Variants in NLRP5 observed in about 807,000 individuals in gnomAD.
NLRP5 encodes the protein NACHT, LRR and PYD domains-containing protein 5.
Under a neutral mutation model 113.1 loss-of-function variants are expected in NLRP5, and 93 were observed. The ratio of observed to expected loss-of-function variants is 0.82; its 90% CI spans 0.70 to 0.98. The LOEUF (loss-of-function observed/expected upper bound fraction) is 0.98. Ranked by LOEUF, NLRP5 falls within the 50% of genes least tolerant of loss-of-function variation. NLRP5 has a pLI of 0.00. For missense variants in NLRP5, 1,808 were observed against 1,514.3 expected (o/e 1.19, Z -3.22); for synonymous variants, 751 against 600.7 (o/e 1.25, Z -3.66).
At position 56,019,821 on chromosome 19, in the gene NLRP5, A is replaced by G. The variant is rs189640866; in HGVS notation, c.622+423A>G. 5.3e-5 allele frequency among the ~76,000 whole-genome samples: 8 copies of G among 150,470 alleles called. No homozygotes were observed. In the East Asian group the frequency reaches 1.6e-3, roughly 29 times the overall value. On this transcript the variant is annotated intron_variant, in intron 5 of 14. Coordinates refer to ENST00000390649, the MANE Select transcript of NLRP5 (RefSeq NM_153447.4). ...TGCTGGAATTACAGTGGTAAGAAAA[A>G]CATGTCTTGCCTTCATGGCATTTTT...
intron 3 of NLRP5, among the ~76,000 whole-genome samples, chr19:56,011,627 ATTT>A (rs111647646): frequency 1.3e-5 from 2 of 149,292 alleles, no homozygotes; most frequent in Non-Finnish European, 3.0e-5. Context: ...AGAAAGCCTG[ATTT>A]TTTTTTTCTT....
intron 7 of NLRP5, among the ~76,000 whole-genome samples, chr19:56,031,861 C>A (rs1251447439): frequency 1.3e-5 from 2 of 152,138 alleles, no homozygotes; most frequent in Admixed American, 6.6e-5. Context: ...ATGAAAATGC[C>A]ACAGTGAGCG....
At chr19:56,043,407 A>G (rs1241134138) in intron 11 of NLRP5, among the ~76,000 whole-genome samples, 1 of 151,348 alleles carries the variant, frequency 6.6e-6, no homozygotes, top group African/African-American at 2.4e-5. Context: ...TATCTTGAGA[A>G]TTGTCTATTC....
rs763661078 is a variant in NLRP5 at position 56,032,608 on chromosome 19, T to C, written c.2277-3T>C. ...GCCCATGTTTCTATCCCCCCTGACA[T>C]AGGATGCGGGATAAGACCCTCATTG... On this transcript the variant is annotated splice_region_variant and splice_polypyrimidine_tract_variant and intron_variant, in intron 7 of 14. Coordinates refer to ENST00000390649, the MANE Select transcript of NLRP5 (RefSeq NM_153447.4). The C allele has an allele frequency of 6.2e-6, 10 of 1,610,310 alleles. No individual in the cohort carries two copies. Among genetic ancestry groups the C allele is most frequent in the South Asian group, 2.2e-5 (2 of 90,416 alleles).
At chr19:56,001,381 G>A (rs1981645069) in intron 1 of NLRP5, among the ~76,000 whole-genome samples, 1 of 149,792 alleles carries the variant, frequency 6.7e-6, no homozygotes, top group Non-Finnish European at 1.5e-5. Flanking sequence ...TAGCTACCAT[G>A]ACATTTCTAG....
chr19:56,006,540 T>C (rs1017327074), intron 2 of NLRP5, among the ~76,000 whole-genome samples: 8 of 151,894 alleles, frequency 5.3e-5, no homozygotes, highest in African/African-American at 1.9e-4. Flanking sequence ...GAGACCAGCC[T>C]GGCCAACATG....
chr19:56,056,877 CG>C (rs1352121963), intron 13 of NLRP5, among the ~76,000 whole-genome samples: 1 of 151,954 alleles, frequency 6.6e-6, no homozygotes, highest in Admixed American at 6.6e-5. Context: ...CGGTGGTGCA[CG>C]CCTGTAATCC....
chr19:56,001,324 T>TAAAAA (rs751650915), intron 1 of NLRP5, among the ~76,000 whole-genome samples: 5 of 120,652 alleles, frequency 4.1e-5, no homozygotes, highest in East Asian at 2.7e-4. Flanking sequence ...CTCAGTCATT[T>TAAAAA]AAAAAAAAAA....
At chr19:56,007,864 A>G (rs988158417) in intron 2 of NLRP5, among the ~76,000 whole-genome samples, 1 of 140,750 alleles carries the variant, frequency 7.1e-6, no homozygotes, top group Admixed American at 7.4e-5. Context: ...AGTGTACAAG[A>G]CAGTTTGTGT....
upstream of NLRP5, among the ~76,000 whole-genome samples, chr19:55,996,704 A>G (rs143095347): frequency 2.6e-5 from 4 of 152,306 alleles, no homozygotes; most frequent in African/African-American, 9.6e-5. Flanking sequence ...CATGGTGTAT[A>G]TGTACCACAT....
intron 10 of NLRP5, among the ~76,000 whole-genome samples, chr19:56,039,342 T>G: frequency 6.6e-6 from 1 of 152,194 alleles, no homozygotes; most frequent in East Asian, 1.9e-4. Flanking sequence ...TAGACCCATG[T>G]CAAGAGCTCA....
At chr19:56,032,219 C>CCT (rs1420080773) in intron 7 of NLRP5, among the ~76,000 whole-genome samples, 92 of 152,098 alleles carry the variant, frequency 6.0e-4, no homozygotes, top group African/African-American at 2.1e-3. Context: ...ATGGCATGCG[C>CCT]CTGTAGTCCC....
chr19:56,001,851 T>C (rs563179645), intron 1 of NLRP5, among the ~76,000 whole-genome samples: 74 of 152,338 alleles, frequency 4.9e-4, no homozygotes, highest in African/African-American at 1.7e-3. Flanking sequence ...TAAAATGTTT[T>C]ATTACATGGT....
chr19:56,053,891 T>A, intron 13 of NLRP5, 83 bp downstream of exon 13: 5 of 1,302,250 alleles, frequency 3.8e-6, no homozygotes, highest in Non-Finnish European at 4.4e-6. Flanking sequence ...ACAGGGATGA[T>A]GATGATCTGG....
intron 3 of NLRP5, among the ~76,000 whole-genome samples, chr19:56,009,985 G>C (rs987233909): frequency 6.6e-6 from 1 of 152,214 alleles, no homozygotes; most frequent in Admixed American, 6.5e-5. Context: ...CATGTGATAA[G>C]ACTGCGTCTC....
chr19:56,017,975 A>T (rs306425), intron 4 of NLRP5, among the ~76,000 whole-genome samples: 87,547 of 152,012 alleles, frequency 0.58, 26,717 homozygotes, highest in African/African-American at 0.79. Flanking sequence ...TTTCTCCACC[A>T]TATATCTAGC....
At chr19:56,028,865 A>G (rs979514444) in intron 7 of NLRP5, among the ~76,000 whole-genome samples, 20 of 152,168 alleles carry the variant, frequency 1.3e-4, no homozygotes, top group African/African-American at 4.6e-4. Context: ...CCCAGGCTCA[A>G]GAGATTCTCC....
chr19:55,999,355 C>A (rs1047613351), upstream of NLRP5, among the ~76,000 whole-genome samples: 4 of 151,790 alleles, frequency 2.6e-5, no homozygotes, highest in African/African-American at 9.7e-5. Context: ...GCTGGGGTTA[C>A]AGGTGCGCGC....
chr19:56,000,627 G>A (rs1226500612), intron 1 of NLRP5, among the ~76,000 whole-genome samples: 1 of 151,900 alleles, frequency 6.6e-6, no homozygotes, highest in Non-Finnish European at 1.5e-5. Flanking sequence ...GCCTCCCAAA[G>A]TGCTGGGATT....
Sources: gnomAD v4.1 joint callset for allele counts (sites outside exome capture counted in the v4.1 genomes callset) on GRCh38, gnomAD v4.1.1 for gene constraint, MANE v1.5 for transcripts, NCBI Gene and HGNC (gene_info 2026-07-23, HGNC 2026-07-21) for gene names.